Variants in PTMA observed in about 807,000 individuals in gnomAD.
PTMA encodes gene sequence 28.
Under a neutral mutation model 16.9 loss-of-function variants are expected in PTMA, and 4 were observed. The observed-to-expected ratio is 0.24, with a 90% CI of 0.12 to 0.54. The LOEUF (loss-of-function observed/expected upper bound fraction) is 0.54. Ranked by LOEUF, PTMA falls within the 20% of genes least tolerant of loss-of-function variation. PTMA has a pLI of 0.95. For synonymous variants in PTMA, 58 were observed against 47.9 expected, an observed-to-expected ratio of 1.21 and a Z score of -0.87; for missense variants, 120 against 137.7, an observed-to-expected ratio of 0.87 and a Z score of 0.64.
chr2:231,711,647 CG>C (rs2048520100), intron 2 of PTMA: 14 of 754,642 alleles, frequency 1.9e-5, no homozygotes, highest in Non-Finnish European at 2.9e-5. Context: ...GAGGAGACTC[CG>C]GTAGTCTGAG....
intron 1 of PTMA, 84 bp from the exon 2 acceptor site, chr2:231,711,264 C>T: frequency 9.1e-7 from 1 of 1,102,122 alleles, no homozygotes; most frequent in East Asian, 2.4e-5. Flanking sequence ...AACAGCCGTA[C>T]AGACCAGTAG....
At chr2:231,709,595 G>A (rs917800438) in intron 1 of PTMA, among the ~76,000 whole-genome samples, 1 of 152,182 alleles carries the variant, frequency 6.6e-6, no homozygotes, top group Non-Finnish European at 1.5e-5. Context: ...GGGCCAACAC[G>A]GCGGCCGCGA....
chr2:231,712,104 C>T, intron 3 of PTMA, 121 bp downstream of exon 3: 4 of 1,508,860 alleles, frequency 2.7e-6, no homozygotes, highest in East Asian at 2.5e-5. Flanking sequence ...GCCAGTGGAC[C>T]ACATGGCCCT....
intron 1 of PTMA, 77 bp downstream of exon 1, chr2:231,708,828 C>T (rs2048474402): frequency 1.3e-6 from 2 of 1,514,968 alleles, no homozygotes. Context: ...AGCAGCTGGA[C>T]TGTCTCAAGC....
intron 3 of PTMA, 26 bp from the exon 4 acceptor site, chr2:231,712,417 T>C (rs377695704): frequency 3.2e-5 from 52 of 1,608,392 alleles, no homozygotes; most frequent in Non-Finnish European, 4.3e-5. Flanking sequence ...GGAAGTGTGG[T>C]TTACCTGGCC....
chr2:231,713,093 G>C lies in PTMA; in HGVS notation c.*242G>C. On this transcript the variant is annotated 3_prime_UTR_variant, in exon 5 of 5. Transcript: ENST00000409115. ...CAAGGCCCTGCTTTTTTTCTTAAAA[G>C]TACTTTAAAAAGGAAATTTGTTTGT... The C allele has an allele frequency of 1.1e-5, 6 of 524,904 alleles. No homozygotes were observed. The highest frequency in any genetic ancestry group is 9.4e-5 in the South Asian group (4 of 42,474). 32.5% of individuals were successfully genotyped at this position (524,904 alleles called of 1,614,324 possible).
At chr2:231,710,236 GC>G in intron 1 of PTMA, 1 of 1,337,742 alleles carries the variant, frequency 7.5e-7, no homozygotes, top group South Asian at 2.0e-5. Flanking sequence ...CGAGAGCCCG[GC>G]CGACCGACGC....
chr2:231,711,872 C>G lies in PTMA; in HGVS notation c.118-18C>G, dbSNP rs772790471. The stretch of plus-strand genomic sequence containing the variant: ...TGGGGCCAGCTGGTAATGACATGGC[C>G]TGTTTTCTGTCGAGGAGAATGAGGA... On this transcript the variant is annotated intron_variant, in intron 2 of 4. Coordinates refer to ENST00000409115, the MANE Select transcript of PTMA (RefSeq NM_002823.5). 4 of 1,612,016 alleles carry G rather than the reference C, an allele frequency of 2.5e-6. No individual in the cohort carries two copies. In the African/African-American group the frequency reaches 4.0e-5, roughly 16 times the overall value.
rs1055923400 is a variant in PTMA, at chr2:231,713,246, A to G, written c.*395A>G. 1.1e-5 allele frequency: 5 copies of G among 458,152 alleles called. No homozygotes were observed. Among genetic ancestry groups the G allele is most frequent in the African/African-American group, 1.0e-4 (5 of 48,486 alleles). The allele number at this position is 458,152 out of a possible 1,614,324, so 28.4% of individuals were successfully genotyped here. A position where few individuals can be genotyped will look rare whatever the true frequency, so the allele number is the denominator to read the frequency against. ...TTCTGACTTTACTTGTGGTGTGACCATGTTCATTATAATCTCAAAGGAGAA... is the reference window on the plus strand; with the variant it reads ...TTCTGACTTTACTTGTGGTGTGACCGTGTTCATTATAATCTCAAAGGAGAA... On this transcript the variant is annotated 3_prime_UTR_variant, in exon 5 of 5. Transcript: ENST00000409115.
In PTMA at chr2:231,713,019, C is replaced by G; in HGVS notation, c.*168C>G. 1 of 649,676 alleles carries G rather than the reference C, an allele frequency of 1.5e-6. No individual in the cohort carries two copies. Among genetic ancestry groups the G allele is most frequent in the Non-Finnish European group, 2.6e-6 (1 of 378,076 alleles). 40.2% of individuals were successfully genotyped at this position (649,676 alleles called of 1,614,324 possible). On this transcript the variant is annotated 3_prime_UTR_variant, in exon 5 of 5. Transcript: ENST00000409115. ...TGACACGCGCTCTCCACCACCCAACCCAAACCATGAGAATTTGCAACAGGG... is the reference window on the plus strand; with the variant it reads ...TGACACGCGCTCTCCACCACCCAACGCAAACCATGAGAATTTGCAACAGGG...
chr2:231,711,729 C>T, intron 2 of PTMA, 161 bp from the exon 3 acceptor site: 1 of 1,317,516 alleles, frequency 7.6e-7, no homozygotes, highest in Non-Finnish European at 1.0e-6. Flanking sequence ...CATGATGGAG[C>T]CTGGAGGGTG....
chr2:231,709,149 G>C (rs993524839), intron 1 of PTMA, among the ~76,000 whole-genome samples: 3 of 152,192 alleles, frequency 2.0e-5, no homozygotes, highest in Non-Finnish European at 2.9e-5. Flanking sequence ...AAGTGCTGGG[G>C]GGCGCGTGTT....
intron 1 of PTMA, chr2:231,710,201 G>C: frequency 3.8e-6 from 5 of 1,326,618 alleles, no homozygotes; most frequent in Non-Finnish European, 4.9e-6. Context: ...GGGCCTGCCG[G>C]GGTGGCGGCA....
rs866884953 is a variant in PTMA, at chr2:231,710,811, C to G, written c.46-537C>G. On this transcript the variant is annotated intron_variant, in intron 1 of 4. Coordinates refer to ENST00000409115, the MANE Select transcript of PTMA (RefSeq NM_002823.5). ...CGGTCGGATTTGGGGGGTCGGTGTG[C>G]TTTGGCTTTTTTAGATACCTGTCCT... is the stretch of plus-strand genomic sequence containing the variant. The G allele has an allele frequency of 4.5e-5, 14 of 310,060 alleles. 1 individual carries two copies. The highest frequency in any genetic ancestry group is 1.2e-4 in the South Asian group (5 of 42,272). The allele number at this position is 310,060 out of a possible 1,614,324, so 19.2% of individuals were successfully genotyped here. A position where few individuals can be genotyped will look rare whatever the true frequency, so the allele number is the denominator to read the frequency against.
chr2:231,710,419 C>A (rs2048502523), intron 1 of PTMA: 2 of 1,153,726 alleles, frequency 1.7e-6, no homozygotes, highest in Non-Finnish European at 2.2e-6. Flanking sequence ...GACCTCCCTG[C>A]CCCCACTGCT....
chr2:231,711,256 CAGCCGTACAGA>C, intron 1 of PTMA, 81 bp from the exon 2 acceptor site: 1 of 1,012,964 alleles, frequency 9.9e-7, no homozygotes. Flanking sequence ...ACGGACAGAA[CAGCCGTACAGA>C]CCAGTAGTTC....
In PTMA at chr2:231,708,851, CCT is replaced by C. The variant is rs1378601636; in HGVS notation, c.45+104_45+105del. The C allele has an allele frequency of 8.6e-5, 120 of 1,401,914 alleles. 1 individual carries two copies. The Admixed American group carries it at 2.5e-3, about 30-fold the overall frequency. 86.8% of individuals were successfully genotyped at this position (1,401,914 alleles called of 1,614,324 possible). ...GACTGTCTCAAGCCCGCTGTTGCTC[CCT>C]CTCGCGGGGAAACGGCCCGCCCCCG... On this transcript the variant is annotated intron_variant, in intron 1 of 4. Transcript: ENST00000409115.
chr2:231,712,489 G>A lies in PTMA; in HGVS notation c.258G>A (p.Thr86=), dbSNP rs764394114. 3.0e-5 allele frequency: 48 copies of A among 1,614,064 alleles called. No homozygotes were observed. The highest frequency in any genetic ancestry group is 3.3e-4 in the Middle Eastern group (2 of 6,084). ...GDEDEEAESA[T]GKRAAEDDED... ...AAGATGAGGAAGCTGAGTCAGCTAC[G>A]GGCAAGCGGGCAGCTGAAGATGATG... Residue 86 remains threonine, a synonymous_variant, in exon 4 of 5, where the codon ACG becomes ACA. Transcript: ENST00000409115.
chr2:231,709,710 G>A (rs2048491359), intron 1 of PTMA: 2 of 152,932 alleles, frequency 1.3e-5, no homozygotes, highest in Non-Finnish European at 2.9e-5. Flanking sequence ...CGCTCCTGTT[G>A]TCGGCGCCGC....
Sources: allele counts gnomAD v4.1 joint callset (sites outside exome capture counted in the v4.1 genomes callset), GRCh38; gene constraint gnomAD v4.1.1; transcripts MANE v1.5; gene names NCBI Gene and HGNC (gene_info 2026-07-23, HGNC 2026-07-21).